CFAP97: variants seen among roughly 807,000 people sequenced by gnomAD.
CFAP97 encodes cilia- and flagella-associated protein 97.
CFAP97 carries 36 observed loss-of-function variants against 43.1 expected under a neutral mutation model. The ratio of observed to expected loss-of-function variants is 0.84; its 90% CI spans 0.64 to 1.10. CFAP97 has a LOEUF of 1.10. CFAP97 is among the 50% of genes least tolerant of loss of function. The probability of loss-of-function intolerance (pLI) is 0.00; values close to 1 mark genes in which losing one functional copy is unlikely to be tolerated. For synonymous variants in CFAP97, 228 were observed against 225.7 expected (o/e 1.01, Z -0.09); for missense variants, 657 against 620.3 (o/e 1.06, Z -0.63).
intron 3 of CFAP97, among the ~76,000 whole-genome samples, chr4:185,173,686 C>T (rs576218412): frequency 6.6e-6 from 1 of 152,030 alleles, no homozygotes; most frequent in Non-Finnish European, 1.5e-5. Flanking sequence ...TTTAGAATAG[C>T]CGAATTCATA....
chr4:185,182,081 T>C (rs181545132), intron 2 of CFAP97: 17 of 152,294 alleles, frequency 1.1e-4, no homozygotes, highest in African/African-American at 4.1e-4. Context: ...ATATAGTAGA[T>C]TTTGAGGCCA....
intron 1 of CFAP97, among the ~76,000 whole-genome samples, chr4:185,195,401 T>C (rs1442269250): frequency 6.6e-6 from 1 of 152,184 alleles, no homozygotes; most frequent in Non-Finnish European, 1.5e-5. Flanking sequence ...AAGGATCACC[T>C]GTGCACAGGA....
chr4:185,174,230 C>G (rs1034355547), intron 3 of CFAP97, among the ~76,000 whole-genome samples: 7 of 152,108 alleles, frequency 4.6e-5, no homozygotes, highest in African/African-American at 1.4e-4. Context: ...AGAGTGAAAA[C>G]AAAGGAAGTA....
chr4:185,191,317 T>C (rs1579258478), intron 1 of CFAP97, 105 bp from the exon 2 acceptor site: 2 of 791,714 alleles, frequency 2.5e-6, no homozygotes, highest in East Asian at 3.0e-5. Flanking sequence ...GTGTTTAATA[T>C]ATAAAAAGAA....
upstream of CFAP97, among the ~76,000 whole-genome samples, chr4:185,207,295 C>T (rs1436687474): frequency 7.1e-6 from 1 of 140,416 alleles, no homozygotes; most frequent in African/African-American, 2.7e-5. Flanking sequence ...CGGCTCACTG[C>T]AAGCTCTGCC....
Position 185,191,018 on chromosome 4 carries a change from G to A in CFAP97, c.179C>T (p.Thr60Ile). Residue 60 changes from threonine (T) to isoleucine (I), a missense_variant, in exon 2 of 5, where the codon ACA (threonine) becomes ATA (isoleucine). Physicochemically the swap from Thr to Ile is moderately conservative, Grantham distance 89. Coordinates refer to ENST00000458385, the MANE Select transcript of CFAP97 (RefSeq NM_020827.3). The stretch of plus-strand genomic sequence containing the variant: ...TCCCTTCTCAGTAAGATAATTTTCT[G>A]TTGTTTGCATTCCAGTGTTCGAATT... ...NVNSNTGMQT[T>I]ENYLTEKGNE... 2 of 1,613,400 alleles carry A rather than the reference G, an allele frequency of 1.2e-6. No individual in the cohort carries two copies. Among genetic ancestry groups the A allele is most frequent in the Non-Finnish European group, 1.7e-6 (2 of 1,179,610 alleles).
rs564744699 is a variant in CFAP97, at chr4:185,160,933, C to CAT, written c.*1863_*1864dup. 3.1e-4 allele frequency: 45 copies of CAT among 144,316 alleles called. 1 individual carries two copies. The highest frequency in any genetic ancestry group is 3.8e-3 in the Middle Eastern group (1 of 264). 8.9% of individuals were successfully genotyped at this position (144,316 alleles called of 1,614,324 possible). A position where few individuals can be genotyped will look rare whatever the true frequency, so the allele number is the denominator to read the frequency against. ...ATATAAAAAGATTATATATATAAAA[C>CAT]ATATATATATATTTTTTTCTGGAAC... is the stretch of plus-strand genomic sequence containing the variant. On this transcript the variant is annotated 3_prime_UTR_variant, in exon 5 of 5. Transcript: ENST00000458385.
chr4:185,175,947 T>A lies in CFAP97; in HGVS notation c.1159A>T (p.Ile387Phe), dbSNP rs765465709. ...YSFTREEVRQ[I>F]DRENQRLLKE... ...AAAAGCCTCTGATTTTCCCGATCGA[T>A]CTGTCTCACCTCTTCTCTTGTGAAA... The change falls in exon 3 of 5, where the codon ATC becomes TTC. Residue 387 changes from isoleucine to phenylalanine, a missense_variant. Transcript: ENST00000458385. The A allele has an allele frequency of 6.2e-7, 1 of 1,613,944 alleles. No homozygotes were observed. Among genetic ancestry groups the A allele is most frequent in the East Asian group, 2.2e-5 (1 of 44,878 alleles).
In CFAP97 at chr4:185,190,332, G is replaced by A. The variant is rs1431535543; in HGVS notation, c.865C>T (p.Gln289Ter). The change falls in exon 2 of 5, where the codon CAA becomes TAA. Residue 289 changes from glutamine (Q) to a stop codon, truncating the protein, a stop_gained. Coordinates refer to ENST00000458385, the MANE Select transcript of CFAP97 (RefSeq NM_020827.3). LOFTEE classifies it high-confidence loss of function. ...TCCTCAACATCTTCATATATTTCTT[G>A]GCTCACATTTTCTTGCTTTTTAATT... ...VKIKKQENVS[Q>*]EIYEDVEDLK... 1 of 1,603,846 alleles carries A rather than the reference G, an allele frequency of 6.2e-7. No homozygotes were observed. Among genetic ancestry groups the A allele is most frequent in the South Asian group, 1.1e-5 (1 of 90,032 alleles).
At chr4:185,182,925 C>A (rs902415110) in intron 2 of CFAP97, among the ~76,000 whole-genome samples, 22 of 151,826 alleles carry the variant, frequency 1.4e-4, no homozygotes, top group Non-Finnish European at 2.9e-4. Context: ...CATGGTGAAA[C>A]CCCGTCTCTA....
At chr4:185,170,297 G>A in intron 3 of CFAP97, 1 of 650,782 alleles carries the variant, frequency 1.5e-6, no homozygotes, top group Non-Finnish European at 2.8e-6. Flanking sequence ...AAGGAGCCAA[G>A]ATCACGTCAC....
At position 185,179,998 on chromosome 4, in the gene CFAP97, CTCTA is replaced by C. The variant is rs1478429063; in HGVS notation, c.1055-3951_1055-3948del. On this transcript the variant is annotated intron_variant, in intron 2 of 4. Coordinates refer to ENST00000458385, the MANE Select transcript of CFAP97 (RefSeq NM_020827.3). ...CCATTTACTAATGTGAAACACCCTT[CTCTA>C]TCTCTTTTAGTGATGTTCACATCTT... Among the ~76,000 whole-genome samples, 4 of 152,116 alleles carry C rather than the reference CTCTA, an allele frequency of 2.6e-5. 1 individual carries two copies. The highest frequency in any genetic ancestry group is 4.1e-4 in the South Asian group (2 of 4,826).
upstream of CFAP97, among the ~76,000 whole-genome samples, chr4:185,204,796 T>TG (rs1737114896): frequency 6.6e-6 from 1 of 152,176 alleles, no homozygotes; most frequent in Admixed American, 6.5e-5. Context: ...TCAGAGGCAA[T>TG]GAGCCAAGGA....
rs879335316 is a variant in CFAP97 at position 185,192,987 on chromosome 4, A to G, written c.-16-1775T>C. ...GATCTCCTGACCTTGTGATCCGCCC[A>G]CCTCGGCCTCCCAAAGTGCTCAAAT... On this transcript the variant is annotated intron_variant, in intron 1 of 4. Transcript: ENST00000458385. Among the ~76,000 whole-genome samples the G allele has an allele frequency of 2.0e-4, 31 of 151,936 alleles. No individual in the cohort carries two copies. The Middle Eastern group carries it at 0.01, about 50-fold the overall frequency.
At chr4:185,194,189 C>G (rs1181482893) in intron 1 of CFAP97, among the ~76,000 whole-genome samples, 2 of 152,146 alleles carry the variant, frequency 1.3e-5, no homozygotes, top group African/African-American at 4.8e-5. Context: ...CATCTGATCC[C>G]TTACTGAAAA....
rs1736198920 is a variant in CFAP97, at chr4:185,190,610, T to C, written c.587A>G (p.His196Arg). 11 of 1,606,878 alleles carry C rather than the reference T, an allele frequency of 6.8e-6. No individual in the cohort carries two copies. Among genetic ancestry groups the C allele is most frequent in the Non-Finnish European group, 9.4e-6 (11 of 1,176,202 alleles). Residue 196 changes from histidine (H) to arginine (R), a missense_variant, in exon 2 of 5, where the codon CAT (histidine) becomes CGT (arginine). Coordinates refer to ENST00000458385, the MANE Select transcript of CFAP97 (RefSeq NM_020827.3). The stretch of plus-strand genomic sequence containing the variant: ...AGATGACGGAGACGAATCAGATAGA[T>C]GGCTATCAGACCCTGCATCTAAACA... ...TDCLDAGSDS[H>R]LSDSSPSSKS...
intron 2 of CFAP97, among the ~76,000 whole-genome samples, chr4:185,181,431 T>G (rs1735783997): frequency 6.8e-6 from 1 of 147,868 alleles, no homozygotes. Flanking sequence ...GTTCAAGCCA[T>G]TCTCCTGCCT....
chr4:185,200,214 T>G (rs1736760384), intron 1 of CFAP97, among the ~76,000 whole-genome samples: 1 of 152,178 alleles, frequency 6.6e-6, no homozygotes, highest in African/African-American at 2.4e-5. Flanking sequence ...GTGGTAGAAA[T>G]GGCACGGGAA....
rs1344837648 is a variant in CFAP97, at chr4:185,161,456, A to G, written c.*1342T>C. ...GAAAATCTTATTGTGGCTACAGATC[A>G]AAAATTCATACTGAAAAAGATATTT... is the stretch of plus-strand genomic sequence containing the variant. On this transcript the variant is annotated 3_prime_UTR_variant, in exon 5 of 5. Coordinates refer to ENST00000458385, the MANE Select transcript of CFAP97 (RefSeq NM_020827.3). The G allele has an allele frequency of 2.0e-5, 3 of 152,214 alleles. No individual in the cohort carries two copies. The highest frequency in any genetic ancestry group is 4.4e-5 in the Non-Finnish European group (3 of 68,040). The allele number at this position is 152,214 out of a possible 1,614,324, so 9.4% of individuals were successfully genotyped here. A position where few individuals can be genotyped will look rare whatever the true frequency, so the allele number is the denominator to read the frequency against.
Sources: allele counts gnomAD v4.1 joint callset (sites outside exome capture counted in the v4.1 genomes callset), GRCh38; gene constraint gnomAD v4.1.1; transcripts MANE v1.5; gene names NCBI Gene and HGNC (gene_info 2026-07-23, HGNC 2026-07-21).